SAMD12: variants seen among roughly 807,000 people sequenced by gnomAD.
SAMD12 encodes the protein sterile alpha motif domain containing 12.
A neutral mutation model predicts 15.0 loss-of-function variants in SAMD12; 9 were observed. The ratio of observed to expected loss-of-function variants is 0.60; its 90% CI spans 0.36 to 1.05. The LOEUF (loss-of-function observed/expected upper bound fraction) is 1.05, where lower values mean the gene tolerates loss of function less well. SAMD12 is among the 50% of genes least tolerant of loss of function. The pLI, the probability that SAMD12 is intolerant of heterozygous loss-of-function variation, is 0.01. For missense variants in SAMD12, 230 were observed against 234.2 expected, an observed-to-expected ratio of 0.98 and a Z score of 0.12; for synonymous variants, 86 against 90.1, an observed-to-expected ratio of 0.96 and a Z score of 0.25.
intron 1 of SAMD12, among the ~76,000 whole-genome samples, chr8:118,617,624 T>G (rs1258847288): frequency 1.3e-5 from 2 of 152,148 alleles, no homozygotes; most frequent in African/African-American, 4.8e-5. Context: ...GAAATTACCA[T>G]GTACAATGTC....
chr8:118,364,047 C>A (rs1818638284), intron 4 of SAMD12, among the ~76,000 whole-genome samples: 1 of 152,150 alleles, frequency 6.6e-6, no homozygotes, highest in Non-Finnish European at 1.5e-5. Flanking sequence ...AAACTGCTAC[C>A]TAACTCTGAG....
At chr8:118,452,532 CTT>C (rs1271619790) in intron 2 of SAMD12, among the ~76,000 whole-genome samples, 3 of 152,210 alleles carry the variant, frequency 2.0e-5, no homozygotes, top group Non-Finnish European at 4.4e-5. Flanking sequence ...TTTATATAAA[CTT>C]TTTCCAGAAT....
intron 4 of SAMD12, among the ~76,000 whole-genome samples, chr8:118,280,778 T>C (rs1813607130): frequency 6.6e-6 from 1 of 152,172 alleles, no homozygotes; most frequent in Non-Finnish European, 1.5e-5. Flanking sequence ...TATTACTATA[T>C]ATGCACTGGG....
intron 4 of SAMD12, among the ~76,000 whole-genome samples, chr8:118,344,323 A>T (rs1481495186): frequency 6.6e-6 from 1 of 152,276 alleles, no homozygotes; most frequent in South Asian, 2.1e-4. Flanking sequence ...AAATACCACA[A>T]AGGCTTGTGT....
intron 4 of SAMD12, among the ~76,000 whole-genome samples, chr8:118,362,429 GAA>G (rs1818550363): frequency 6.6e-6 from 1 of 152,012 alleles, no homozygotes; most frequent in Non-Finnish European, 1.5e-5. Flanking sequence ...AATGACAAAA[GAA>G]AAATCAAATT....
At chr8:118,419,679 C>T (rs1821903637) in intron 3 of SAMD12, among the ~76,000 whole-genome samples, 2 of 152,010 alleles carry the variant, frequency 1.3e-5, no homozygotes. Flanking sequence ...ATATCTTGTC[C>T]CCATTTTTCT....
intron 4 of SAMD12, among the ~76,000 whole-genome samples, chr8:118,346,781 T>G (rs191310948): frequency 1.2e-3 from 178 of 152,346 alleles, no homozygotes; most frequent in Non-Finnish European, 2.2e-3. Context: ...AAATCAGGCA[T>G]GAGCCAACAA....
At chr8:118,444,861 G>T (rs1822863001) in intron 2 of SAMD12, among the ~76,000 whole-genome samples, 1 of 152,068 alleles carries the variant, frequency 6.6e-6, no homozygotes, top group Admixed American at 6.5e-5. Flanking sequence ...AGAGAACACT[G>T]CAATTGTAAG....
rs185170296 is a variant in SAMD12 at position 118,562,723 on chromosome 8, C to T, written c.192+17992G>A. 4.6e-5 allele frequency among the ~76,000 whole-genome samples: 7 copies of T among 152,308 alleles called. No homozygotes were observed. The East Asian group carries it at 9.6e-4, about 21-fold the overall frequency. ...ATACTGGAAGTATATACAAATTATT[C>T]CCTGAAGATATTTATTTAGGATTAA... On this transcript the variant is annotated intron_variant, in intron 2 of 3. Coordinates refer to ENST00000314727, the MANE Select transcript of SAMD12 (RefSeq NM_207506.3).
At chr8:118,620,148 ACTT>A (rs1306574961) in intron 1 of SAMD12, among the ~76,000 whole-genome samples, 1 of 152,168 alleles carries the variant, frequency 6.6e-6, no homozygotes, top group Non-Finnish European at 1.5e-5. Flanking sequence ...ACAAATTTAT[ACTT>A]CTTACAGGGA....
intron 2 of SAMD12, among the ~76,000 whole-genome samples, chr8:118,498,793 T>G (rs2515055): frequency 0.66 from 101,180 of 152,152 alleles, 34,640 homozygotes; most frequent in African/African-American, 0.84. Context: ...AACAAATACC[T>G]ACATGGCACC....
chr8:118,609,473 G>A (rs1828056961), intron 1 of SAMD12, among the ~76,000 whole-genome samples: 1 of 152,198 alleles, frequency 6.6e-6, no homozygotes, highest in East Asian at 1.9e-4. Context: ...ACATCAGCCT[G>A]GAGCAGGAAA....
intron 2 of SAMD12, among the ~76,000 whole-genome samples, chr8:118,580,320 T>C (rs761612998): frequency 3.9e-5 from 6 of 152,180 alleles, no homozygotes; most frequent in Non-Finnish European, 8.8e-5. Context: ...TACAATCGTT[T>C]GATCTGCTCA....
the SAMD12 span, among the ~76,000 whole-genome samples, chr8:118,184,069 T>C: frequency 1.1e-4 from 16 of 152,316 alleles, no homozygotes; most frequent in South Asian, 3.3e-3. Context: ...GGAGCTACTG[T>C]CTTTGTTAGA....
chr8:118,145,411 A>T, the SAMD12 span, among the ~76,000 whole-genome samples: 12 of 152,242 alleles, frequency 7.9e-5, no homozygotes, highest in Non-Finnish European at 4.4e-5. Context: ...TCAAAACATC[A>T]TTCAATGTTG....
At chr8:118,466,379 T>C (rs1224979629) in intron 2 of SAMD12, among the ~76,000 whole-genome samples, 3 of 152,224 alleles carry the variant, frequency 2.0e-5, no homozygotes. Context: ...CACAACTCTA[T>C]GAAATAAATA....
chr8:118,450,623 A>T (rs1823052237), intron 2 of SAMD12, among the ~76,000 whole-genome samples: 1 of 152,216 alleles, frequency 6.6e-6, no homozygotes, highest in East Asian at 1.9e-4. Flanking sequence ...TTTCTACAAC[A>T]ATTACTTTGG....
intron 2 of SAMD12, among the ~76,000 whole-genome samples, chr8:118,563,158 A>G (rs892938249): frequency 6.6e-6 from 1 of 152,224 alleles, no homozygotes; most frequent in Admixed American, 6.5e-5. Flanking sequence ...TCCAATGAAC[A>G]CAAGAGATGA....
intron 4 of SAMD12, among the ~76,000 whole-genome samples, chr8:118,296,201 A>G (rs1032739277): frequency 1.3e-5 from 2 of 152,224 alleles, no homozygotes; most frequent in Admixed American, 6.5e-5. Flanking sequence ...CAGTGGGACC[A>G]TCACAAAACA....
Sources: gnomAD v4.1 joint callset for allele counts (sites outside exome capture counted in the v4.1 genomes callset) on GRCh38, gnomAD v4.1.1 for gene constraint, MANE v1.5 for transcripts, NCBI Gene and HGNC (gene_info 2026-07-23, HGNC 2026-07-21) for gene names.